The following GRIK4 variants were observed in gnomAD, a reference collection of about 807,000 sequenced individuals.
GRIK4 encodes glutamate receptor ionotropic, kainate 4.
GRIK4 carries 40 observed loss-of-function variants against 104.9 expected under a neutral mutation model. That is an observed-to-expected ratio of 0.38 (90% CI 0.30 to 0.50). The LOEUF is 0.50. GRIK4 is among the 20% of genes least tolerant of loss of function. The probability of loss-of-function intolerance (pLI) is 0.93; values close to 1 mark genes in which losing one functional copy is unlikely to be tolerated. For missense variants in GRIK4, 1,047 were observed against 1,308.1 expected, an observed-to-expected ratio of 0.80 and a Z score of 3.08; for synonymous variants, 485 against 524.9, an observed-to-expected ratio of 0.92 and a Z score of 1.04.
At chr11:120,716,727 C>T (rs2135366594) in intron 3 of GRIK4, among the ~76,000 whole-genome samples, 1 of 152,270 alleles carries the variant, frequency 6.6e-6, no homozygotes, top group South Asian at 2.1e-4. Flanking sequence ...CTGACATTCC[C>T]TCTGCACAGG....
At chr11:120,827,272 C>T (rs892585837) in intron 6 of GRIK4, among the ~76,000 whole-genome samples, 35 of 152,330 alleles carry the variant, frequency 2.3e-4, no homozygotes, top group Admixed American at 9.8e-4. Context: ...TTCCTTACCT[C>T]GACATCCTCC....
At chr11:120,626,716 C>T (rs1326031096) in intron 1 of GRIK4, among the ~76,000 whole-genome samples, 1 of 152,162 alleles carries the variant, frequency 6.6e-6, no homozygotes, top group East Asian at 1.9e-4. Context: ...CTCAAGGACT[C>T]CGCAGCTGCT....
At chr11:120,725,472 C>T (rs1951013137) in intron 3 of GRIK4, among the ~76,000 whole-genome samples, 1 of 152,154 alleles carries the variant, frequency 6.6e-6, no homozygotes, top group Non-Finnish European at 1.5e-5. Context: ...AGATCAGTCT[C>T]AAATCCATCT....
intron 3 of GRIK4, among the ~76,000 whole-genome samples, chr11:120,782,454 T>G (rs960657834): frequency 3.3e-5 from 5 of 151,966 alleles, no homozygotes; most frequent in African/African-American, 1.2e-4. Context: ...CCTGACTAAT[T>G]TTTTGTATTT....
intron 13 of GRIK4, among the ~76,000 whole-genome samples, chr11:120,926,233 A>G (rs1943343336): frequency 6.6e-6 from 1 of 152,198 alleles, no homozygotes; most frequent in South Asian, 2.1e-4. Flanking sequence ...TCAACTATAT[A>G]AACACTGACA....
chr11:120,931,534 C>T (rs1249245662), intron 13 of GRIK4, among the ~76,000 whole-genome samples: 6 of 152,314 alleles, frequency 3.9e-5, no homozygotes, highest in Non-Finnish European at 4.4e-5. Flanking sequence ...ATTCAGCATG[C>T]AGACTCTGAA....
intron 3 of GRIK4, among the ~76,000 whole-genome samples, chr11:120,781,867 A>G (rs976597969): frequency 6.6e-6 from 1 of 152,158 alleles, no homozygotes; most frequent in Non-Finnish European, 1.5e-5. Context: ...GCCATGTGAC[A>G]ACCTGTGTGT....
intron 3 of GRIK4, among the ~76,000 whole-genome samples, chr11:120,699,048 C>T (rs1950505668): frequency 6.6e-6 from 1 of 152,232 alleles, no homozygotes; most frequent in Non-Finnish European, 1.5e-5. Flanking sequence ...TGTCTGTTTG[C>T]CCCTGTGGCA....
At chr11:120,594,327 A>G (rs2135118201) in intron 1 of GRIK4, among the ~76,000 whole-genome samples, 1 of 152,208 alleles carries the variant, frequency 6.6e-6, no homozygotes, top group East Asian at 1.9e-4. Context: ...AAATATATAT[A>G]CAAAAATTAG....
intron 3 of GRIK4, among the ~76,000 whole-genome samples, chr11:120,667,487 A>C (rs1949936346): frequency 6.6e-6 from 1 of 152,268 alleles, no homozygotes; most frequent in African/African-American, 2.4e-5. Context: ...TGGAGCCAGC[A>C]CATCCCACTC....
chr11:120,577,862 G>C (rs762156464), intron 1 of GRIK4, among the ~76,000 whole-genome samples: 1 of 152,248 alleles, frequency 6.6e-6, no homozygotes, highest in Admixed American at 6.5e-5. Flanking sequence ...CAGCATCTAC[G>C]CAGCCACAAG....
intron 4 of GRIK4, among the ~76,000 whole-genome samples, chr11:120,807,244 A>G (rs778128613): frequency 8.5e-5 from 13 of 152,170 alleles, no homozygotes; most frequent in Non-Finnish European, 1.9e-4. Context: ...CCTATAGATC[A>G]GCGTTTCTCC....
At chr11:120,518,374 G>A (rs1044712634) in intron 1 of GRIK4, among the ~76,000 whole-genome samples, 8 of 152,262 alleles carry the variant, frequency 5.3e-5, no homozygotes, top group Admixed American at 3.9e-4. Flanking sequence ...AGCCCAGTCC[G>A]GTTCCTAAGA....
chr11:120,662,099 C>G (rs112135829), intron 3 of GRIK4, among the ~76,000 whole-genome samples: 8 of 152,316 alleles, frequency 5.3e-5, no homozygotes, highest in African/African-American at 1.7e-4. Context: ...TCAGTAGCAC[C>G]TCATGGCCTC....
chr11:120,933,287 A>G (rs2134615821), intron 13 of GRIK4, among the ~76,000 whole-genome samples: 1 of 152,348 alleles, frequency 6.6e-6, no homozygotes, highest in South Asian at 2.1e-4. Flanking sequence ...AAACATGCCC[A>G]CAACTCATCA....
intron 13 of GRIK4, among the ~76,000 whole-genome samples, chr11:120,922,564 T>A (rs1943247815): frequency 6.6e-6 from 1 of 152,240 alleles, no homozygotes; most frequent in African/African-American, 2.4e-5. Flanking sequence ...GTGTGTTCGA[T>A]GTGCGTACTG....
chr11:120,831,834 A>C lies in GRIK4; in HGVS notation c.512-18A>C. The C allele has an allele frequency of 6.2e-7, 1 of 1,600,010 alleles. No individual in the cohort carries two copies. The highest frequency in any genetic ancestry group is 8.6e-7 in the Non-Finnish European group (1 of 1,168,898). On this transcript the variant is annotated intron_variant, in intron 6 of 20. Coordinates refer to ENST00000527524, the MANE Select transcript of GRIK4 (RefSeq NM_014619.5). ...AGCTCTGTGGACCCTCAGGGGCTTC[A>C]TCCTCTCTCCCCTCCAGGCCTTTTA...
At chr11:120,533,647 G>A (rs1947943835) in intron 1 of GRIK4, among the ~76,000 whole-genome samples, 1 of 152,222 alleles carries the variant, frequency 6.6e-6, no homozygotes, top group Non-Finnish European at 1.5e-5. Flanking sequence ...GGAGGCCAAG[G>A]TGAGTGGATC....
intron 8 of GRIK4, among the ~76,000 whole-genome samples, chr11:120,853,729 G>C (rs916362819): frequency 6.6e-6 from 1 of 152,216 alleles, no homozygotes; most frequent in Non-Finnish European, 1.5e-5. Flanking sequence ...CGGTCTTAAG[G>C]ATATCTTCCT....
Sources: allele counts gnomAD v4.1 joint callset (sites outside exome capture counted in the v4.1 genomes callset), GRCh38; gene constraint gnomAD v4.1.1; transcripts MANE v1.5; gene names NCBI Gene and HGNC (gene_info 2026-07-23, HGNC 2026-07-21).